Variants in ANGPT2 observed in about 807,000 individuals in gnomAD.
ANGPT2 encodes angiopoietin 2, also known as angiopoietin-2.
A neutral mutation model predicts 62.9 loss-of-function variants in ANGPT2; 28 were observed. That is an observed-to-expected ratio of 0.44 (90% CI 0.33 to 0.61). ANGPT2 has a LOEUF of 0.61. Among genes scored for constraint, ANGPT2 ranks in the 20% least tolerant of loss-of-function variants. The pLI, the probability that ANGPT2 is intolerant of heterozygous loss-of-function variation, is 0.03. For missense variants in ANGPT2, 727 were observed against 594.9 expected (o/e 1.22, Z -2.31); for synonymous variants, 284 against 207.8 (o/e 1.37, Z -3.15).
intron 3 of ANGPT2, among the ~76,000 whole-genome samples, chr8:6,525,099 C>T (rs2959817): frequency 0.3 from 46,235 of 152,114 alleles, 7,644 homozygotes; most frequent in East Asian, 0.69. Context: ...TTGACAGTAA[C>T]ATTTTCTGAC....
Position 6,537,957 on chromosome 8 carries a change from G to C in ANGPT2, c.289-5470C>G, listed in dbSNP as rs1219608155. Among the ~76,000 whole-genome samples the C allele has an allele frequency of 2.6e-5, 4 of 152,166 alleles. No homozygotes were observed. The East Asian group carries it at 5.8e-4, about 22-fold the overall frequency. ...TTTTTGTCCATCTGAGTGACCTAAG[G>C]TGGACAAAAACTAATTAATCAGAGG... is the stretch of plus-strand genomic sequence containing the variant. On this transcript the variant is annotated intron_variant, in intron 1 of 8. Transcript: ENST00000629816.
Position 6,505,462 on chromosome 8 carries a change from A to G in ANGPT2, c.1328-2201T>C, listed in dbSNP as rs1161587526. On this transcript the variant is annotated intron_variant, in intron 8 of 8. Coordinates refer to ENST00000629816, the MANE Select transcript of ANGPT2 (RefSeq NM_001118887.2). ...TTCTTTATATACATATAGAATATAT[A>G]TATTCTTTACATATATAGAATATAT... is the stretch of plus-strand genomic sequence containing the variant. Among the ~76,000 whole-genome samples, 5 of 77,662 alleles carry G rather than the reference A, an allele frequency of 6.4e-5. No individual in the cohort carries two copies. In the East Asian group the frequency reaches 7.7e-4, roughly 12 times the overall value. The allele number at this position is 77,662 out of a possible 152,430, so 50.9% of individuals were successfully genotyped here.
chr8:6,538,401 G>A (rs1421481385), intron 1 of ANGPT2, among the ~76,000 whole-genome samples: 1 of 152,300 alleles, frequency 6.6e-6, no homozygotes, highest in African/African-American at 2.4e-5. Context: ...GTCAGAGTCA[G>A]GAATCCACAT....
chr8:6,519,356 G>A (rs13281117), intron 5 of ANGPT2, among the ~76,000 whole-genome samples: 51,340 of 152,028 alleles, frequency 0.34, 8,879 homozygotes, highest in Middle Eastern at 0.47. Context: ...CACCATCCCC[G>A]TGTGAGGCAG....
intron 3 of ANGPT2, among the ~76,000 whole-genome samples, chr8:6,524,927 G>A (rs1300737377): frequency 6.6e-6 from 1 of 152,176 alleles, no homozygotes; most frequent in African/African-American, 2.4e-5. Flanking sequence ...TCTGCACATG[G>A]CTTCCTGTGT....
At chr8:6,537,202 G>A (rs932466204) in intron 1 of ANGPT2, among the ~76,000 whole-genome samples, 5 of 152,078 alleles carry the variant, frequency 3.3e-5, no homozygotes, top group Non-Finnish European at 7.4e-5. Flanking sequence ...GTTTGCCATC[G>A]CCTTCATATC....
chr8:6,510,290 T>C (rs1383137345), intron 7 of ANGPT2, among the ~76,000 whole-genome samples: 2 of 152,084 alleles, frequency 1.3e-5, no homozygotes, highest in Non-Finnish European at 2.9e-5. Context: ...CGTTGGGTCC[T>C]CACGTCCTGA....
At chr8:6,517,479 T>A (rs1346668905) in intron 5 of ANGPT2, among the ~76,000 whole-genome samples, 4 of 152,248 alleles carry the variant, frequency 2.6e-5, no homozygotes, top group Non-Finnish European at 5.9e-5. Flanking sequence ...CAAATGAATT[T>A]TTCAAAACTA....
intron 7 of ANGPT2, among the ~76,000 whole-genome samples, chr8:6,510,629 T>C (rs1378710244): frequency 6.6e-6 from 1 of 152,176 alleles, no homozygotes; most frequent in African/African-American, 2.4e-5. Context: ...TTCAGAGATA[T>C]AAACTTGTCC....
intron 1 of ANGPT2, among the ~76,000 whole-genome samples, chr8:6,533,190 G>T (rs1819853738): frequency 6.6e-6 from 1 of 152,190 alleles, no homozygotes; most frequent in Non-Finnish European, 1.5e-5. Flanking sequence ...GCCATGGGCT[G>T]GTTCTTCTCT....
chr8:6,542,599 T>C (rs58436743), intron 1 of ANGPT2, among the ~76,000 whole-genome samples: 2 of 146,608 alleles, frequency 1.4e-5, no homozygotes, highest in African/African-American at 5.0e-5. Context: ...ATTCTTATCT[T>C]AAAAAAAAAA....
rs1367960663 is a variant in ANGPT2 at position 6,521,395 on chromosome 8, C to A, written c.582G>T (p.Lys194Asn). The part of the protein sequence containing the change: ...LQDKNSFLEK[K>N]VLAMEDKHII... ...TGTGCTTGTCTTCCATAGCTAGCAC[C>A]TTCTTTTCTAGGAAACTTGTAAGGA... Residue 194 changes from lysine (K) to asparagine (N), a missense_variant, in exon 4 of 9, where the codon AAG (lysine) becomes AAT (asparagine). Lys to Asn is a moderately conservative substitution (Grantham distance 94, BLOSUM62 0). Coordinates refer to ENST00000629816, the MANE Select transcript of ANGPT2 (RefSeq NM_001118887.2). 4.3e-6 allele frequency: 7 copies of A among 1,609,340 alleles called. No homozygotes were observed. Among genetic ancestry groups the A allele is most frequent in the Non-Finnish European group, 5.9e-6 (7 of 1,178,348 alleles).
At chr8:6,552,786 A>G (rs1292424910) in intron 1 of ANGPT2, among the ~76,000 whole-genome samples, 1 of 151,186 alleles carries the variant, frequency 6.6e-6, no homozygotes, top group African/African-American at 2.4e-5. Flanking sequence ...GCAAGAGATC[A>G]CTCAACAATT....
chr8:6,551,633 A>G (rs1823667681), intron 1 of ANGPT2, among the ~76,000 whole-genome samples: 1 of 152,244 alleles, frequency 6.6e-6, no homozygotes, highest in African/African-American at 2.4e-5. Context: ...AGTTAAGTTA[A>G]AAATGATTCA....
rs192082001 is a variant in ANGPT2, at chr8:6,502,345, A to G, written c.*756T>C. 2.0e-5 allele frequency: 3 copies of G among 152,356 alleles called. No individual in the cohort carries two copies. The highest frequency in any genetic ancestry group is 7.2e-5 in the African/African-American group (3 of 41,596). 9.4% of individuals were successfully genotyped at this position (152,356 alleles called of 1,614,324 possible). A position where few individuals can be genotyped will look rare whatever the true frequency, so the allele number is the denominator to read the frequency against. Reference sequence around the variant, plus strand: ...ACTAAAAATACCTTCATATTTAACAATCAGGCAGAAAAAAATAGTACGGTC... The same window carrying G: ...ACTAAAAATACCTTCATATTTAACAGTCAGGCAGAAAAAAATAGTACGGTC... On this transcript the variant is annotated 3_prime_UTR_variant, in exon 9 of 9. Coordinates refer to ENST00000629816, the MANE Select transcript of ANGPT2 (RefSeq NM_001118887.2).
intron 1 of ANGPT2, among the ~76,000 whole-genome samples, chr8:6,542,423 T>C (rs1161456703): frequency 1.3e-5 from 2 of 151,942 alleles, no homozygotes; most frequent in East Asian, 3.9e-4. Context: ...TTCCAAAGCT[T>C]GGTGGGCAAT....
At chr8:6,518,183 T>C (rs2959790) in intron 5 of ANGPT2, among the ~76,000 whole-genome samples, 54,713 of 152,018 alleles carry the variant, frequency 0.36, 10,049 homozygotes, top group Middle Eastern at 0.48. Context: ...CGGCTGTCCC[T>C]CTGCATCGGT....
chr8:6,499,940 T>C lies in ANGPT2; in HGVS notation c.*3161A>G. 3 of 1,610,798 alleles carry C rather than the reference T, an allele frequency of 1.9e-6. No homozygotes were observed. The highest frequency in any genetic ancestry group is 2.5e-6 in the Non-Finnish European group (3 of 1,177,276). ...TTCCCTGCAGCTCCCGTAAGTCAGA[T>C]GTTGTTTTACGATGGTAAATGCAGT... On this transcript the variant is annotated 3_prime_UTR_variant, in exon 9 of 9. Transcript: ENST00000629816.
At chr8:6,557,016 G>A (rs1168107979) in intron 1 of ANGPT2, among the ~76,000 whole-genome samples, 3 of 151,914 alleles carry the variant, frequency 2.0e-5, no homozygotes, top group Non-Finnish European at 4.4e-5. Flanking sequence ...GCCCCAAACT[G>A]GAAACCCCAC....
Sources: allele counts gnomAD v4.1 joint callset (sites outside exome capture counted in the v4.1 genomes callset), GRCh38; gene constraint gnomAD v4.1.1; transcripts MANE v1.5; gene names NCBI Gene and HGNC (gene_info 2026-07-23, HGNC 2026-07-21).